CCNE1: variants seen among roughly 807,000 people sequenced by gnomAD.
CCNE1 encodes the protein G1/S-specific cyclin-E1.
In CCNE1, 8 loss-of-function variants were observed where a neutral mutation model predicts 54.1. The observed-to-expected ratio is 0.15, with a 90% CI of 0.09 to 0.27. The LOEUF (loss-of-function observed/expected upper bound fraction) is 0.27. CCNE1 is among the 10% of genes least tolerant of loss of function. CCNE1 has a pLI of 1.00. For synonymous variants in CCNE1, 179 were observed against 185.2 expected, an observed-to-expected ratio of 0.97 and a Z score of 0.27; for missense variants, 430 against 514.9, an observed-to-expected ratio of 0.84 and a Z score of 1.60.
At chr19:29,820,204 C>T (rs1202213945) in intron 6 of CCNE1, among the ~76,000 whole-genome samples, 3 of 152,202 alleles carry the variant, frequency 2.0e-5, no homozygotes, top group Non-Finnish European at 4.4e-5. Flanking sequence ...GGATGATTCA[C>T]ATCCTAGGCA....
chr19:29,820,909 TG>T, intron 7 of CCNE1, 61 bp downstream of exon 7: 1 of 1,352,272 alleles, frequency 7.4e-7, no homozygotes, highest in Non-Finnish European at 1.0e-6. Context: ...CCACTGAGAT[TG>T]GGGGAAGAGG....
rs1447565542 is a variant in CCNE1, at chr19:29,820,859, T to C, written c.609+11T>C. On this transcript the variant is annotated intron_variant, in intron 7 of 11. Transcript: ENST00000262643. ...GCAGCCAAACTTGAGGTAAATAATT[T>C]TCAAATATTTGTTCTATAATGTGTG... 4 of 1,570,426 alleles carry C rather than the reference T, an allele frequency of 2.5e-6. No individual in the cohort carries two copies. In the East Asian group the frequency reaches 6.7e-5, roughly 26 times the overall value.
rs926232732 is a variant in CCNE1 at position 29,823,760 on chromosome 19, G to A, written c.1216G>A (p.Gly406Arg). The A allele has an allele frequency of 2.5e-6, 4 of 1,612,958 alleles. No individual in the cohort carries two copies. The highest frequency in any genetic ancestry group is 2.7e-5 in the African/African-American group (2 of 74,870). ...PPQSGKKQSS[G>R]PEMA is the part of the protein sequence containing the mutation. ...ACAGAGCGGTAAGAAGCAGAGCAGC[G>A]GGCCGGAAATGGCGTGACCACCCCA... The change falls in exon 12 of 12, where the codon GGG (glycine) becomes AGG (arginine). Residue 406 changes from glycine (G) to arginine (R), a missense_variant. Coordinates refer to ENST00000262643, the MANE Select transcript of CCNE1 (RefSeq NM_001238.4).
chr19:29,823,587 C>A, intron 11 of CCNE1, 68 bp from the exon 12 acceptor site: 3 of 1,376,298 alleles, frequency 2.2e-6, no homozygotes, highest in East Asian at 2.5e-5. Flanking sequence ...AAAGAAAAAG[C>A]CTATGGTAAT....
rs1974040844 is a variant in CCNE1, at chr19:29,817,235, G to A, written c.279G>A (p.Lys93=). 3 of 1,614,070 alleles carry A rather than the reference G, an allele frequency of 1.9e-6. No homozygotes were observed. The highest frequency in any genetic ancestry group is 2.7e-5 in the African/African-American group (2 of 74,910). The change falls in exon 5 of 12, where the codon AAG becomes AAA. Residue 93 remains lysine, a synonymous_variant. Coordinates refer to ENST00000262643, the MANE Select transcript of CCNE1 (RefSeq NM_001238.4). The part of the protein sequence containing the change: ...DDRVYPNSTC[K]PRIIAPSRGS... ...GGGTTTACCCAAACTCAACGTGCAA[G>A]CCTCGGATTATTGCACCATCCAGAG...
chr19:29,813,496 G>A (rs571754767), intron 4 of CCNE1, among the ~76,000 whole-genome samples: 2 of 152,224 alleles, frequency 1.3e-5, no homozygotes, highest in South Asian at 4.1e-4. Flanking sequence ...TATTTTTCTT[G>A]TCATGGTGTT....
At chr19:29,813,569 A>G (rs963048375) in intron 4 of CCNE1, among the ~76,000 whole-genome samples, 1 of 152,076 alleles carries the variant, frequency 6.6e-6, no homozygotes, top group African/African-American at 2.4e-5. Flanking sequence ...CTGGCCCTGG[A>G]AGTTCTTATA....
In CCNE1 at chr19:29,822,069, A is replaced by T. The variant is rs61750863; in HGVS notation, c.779A>T (p.Asn260Ile). 2.8e-3 allele frequency: 4,505 copies of T among 1,614,110 alleles called. 11 individuals are homozygous for T. Among genetic ancestry groups the T allele is most frequent in the Middle Eastern group, 4.6e-3 (28 of 6,062 alleles). ...LNVYMQVAYL[N>I]DLHEVLLPQY... The stretch of plus-strand genomic sequence containing the variant: ...GTATACATGCAGGTTGCATATCTAA[A>T]TGACTTACATGAAGTGCTACTGCCG... The change falls in exon 9 of 12, where the codon AAT (asparagine) becomes ATT (isoleucine). Residue 260 changes from asparagine to isoleucine, a missense_variant. By Grantham distance (149) the Asn-to-Ile change is moderately radical (BLOSUM62 -3). Transcript: ENST00000262643.
At chr19:29,822,937 A>G (rs1974186567) in intron 11 of CCNE1, among the ~76,000 whole-genome samples, 1 of 131,142 alleles carries the variant, frequency 7.6e-6, no homozygotes, top group South Asian at 2.7e-4. Flanking sequence ...GAGCGAAACT[A>G]TGTCTCAAAA....
chr19:29,821,745 C>T lies in CCNE1; in HGVS notation c.633C>T (p.His211=). Residue 211 remains histidine, a synonymous_variant, in exon 8 of 12, where the codon CAC becomes CAT. Coordinates refer to ENST00000262643, the MANE Select transcript of CCNE1 (RefSeq NM_001238.4). The part of the protein sequence containing the change: ...KLEEIYPPKL[H]QFAYVTDGAC... ...AGGAAATCTATCCTCCAAAGTTGCACCAGTTTGCGTATGTGACAGATGGAG... is the reference window on the plus strand; with the variant it reads ...AGGAAATCTATCCTCCAAAGTTGCATCAGTTTGCGTATGTGACAGATGGAG... The T allele has an allele frequency of 6.2e-7, 1 of 1,611,696 alleles. No individual in the cohort carries two copies. Among genetic ancestry groups the T allele is most frequent in the Non-Finnish European group, 8.5e-7 (1 of 1,177,952 alleles).
chr19:29,821,347 A>G (rs894368463), intron 7 of CCNE1, among the ~76,000 whole-genome samples: 1 of 152,208 alleles, frequency 6.6e-6, no homozygotes, highest in Non-Finnish European at 1.5e-5. Flanking sequence ...AGATCCTACC[A>G]CTGCACTCCA....
At chr19:29,817,878 T>TTTG in intron 6 of CCNE1, among the ~76,000 whole-genome samples, 1 of 148,748 alleles carries the variant, frequency 6.7e-6, no homozygotes, top group African/African-American at 2.5e-5. Flanking sequence ...TTTTTTTTTT[T>TTTG]GAGATGGAGT....
chr19:29,822,944 A>C (rs1310291710), intron 11 of CCNE1, among the ~76,000 whole-genome samples: 3 of 58,830 alleles, frequency 5.1e-5, no homozygotes, highest in African/African-American at 2.0e-4. Flanking sequence ...ACTATGTCTC[A>C]AAAAAAAAAA....
chr19:29,818,326 T>C (rs1974075536), intron 6 of CCNE1, among the ~76,000 whole-genome samples: 1 of 151,952 alleles, frequency 6.6e-6, no homozygotes, highest in East Asian at 1.9e-4. Flanking sequence ...GCACCCTGCC[T>C]AATTTTTGTA....
intron 4 of CCNE1, among the ~76,000 whole-genome samples, chr19:29,814,700 C>G (rs1973970610): frequency 6.6e-6 from 1 of 152,132 alleles, no homozygotes; most frequent in East Asian, 1.9e-4. Flanking sequence ...ATCATAATTC[C>G]CCCCAGTACG....
At chr19:29,815,639 TTGGG>T (rs1973996492) in intron 4 of CCNE1, among the ~76,000 whole-genome samples, 1 of 141,390 alleles carries the variant, frequency 7.1e-6, no homozygotes, top group Non-Finnish European at 1.5e-5. Context: ...TTTTTTTTTT[TTGGG>T]GGGGGGACAG....
chr19:29,817,567 T>A (rs748196997), intron 6 of CCNE1, 26 bp downstream of exon 6: 59 of 1,613,924 alleles, frequency 3.7e-5, no homozygotes, highest in Non-Finnish European at 4.9e-5. Flanking sequence ...CCTGTTCGCT[T>A]CATGAAAGCA....
chr19:29,817,823 C>T (rs1974060585), intron 6 of CCNE1, among the ~76,000 whole-genome samples: 1 of 143,718 alleles, frequency 7.0e-6, no homozygotes. Context: ...TAACTGTTAA[C>T]ATTTGAGCTT....
chr19:29,817,013 G>T, intron 4 of CCNE1, 124 bp from the exon 5 acceptor site: 1 of 953,428 alleles, frequency 1.0e-6, no homozygotes, highest in Non-Finnish European at 1.5e-6. Flanking sequence ...GTATCTTTTT[G>T]GAAGCACTTT....
Sources: allele counts gnomAD v4.1 joint callset (sites outside exome capture counted in the v4.1 genomes callset), GRCh38; gene constraint gnomAD v4.1.1; transcripts MANE v1.5; gene names NCBI Gene and HGNC (gene_info 2026-07-23, HGNC 2026-07-21).